Variants in RFX8 observed in about 807,000 individuals in gnomAD.
RFX8 encodes regulatory factor X8, also known as DNA-binding protein RFX8.
Under a neutral mutation model 54.6 loss-of-function variants are expected in RFX8, and 46 were observed. That is an observed-to-expected ratio of 0.84 (90% CI 0.67 to 1.08). RFX8 has a LOEUF of 1.08. Ranked by LOEUF, RFX8 falls within the 50% of genes least tolerant of loss-of-function variation. The pLI is 0.00. For missense variants in RFX8, 536 were observed against 562.3 expected (o/e 0.95, Z 0.47); for synonymous variants, 192 against 209.5 (o/e 0.92, Z 0.72).
chr2:101,460,452 G>A (rs1243727504), intron 2 of RFX8, among the ~76,000 whole-genome samples: 1 of 152,120 alleles, frequency 6.6e-6, no homozygotes, highest in East Asian at 1.9e-4. Context: ...TTTGATTAGT[G>A]AAATGCTATC....
intron 2 of RFX8, among the ~76,000 whole-genome samples, chr2:101,440,123 T>C (rs1209465967): frequency 1.7e-4 from 25 of 151,164 alleles, no homozygotes; most frequent in Middle Eastern, 6.8e-3. Flanking sequence ...AAAAACTCAT[T>C]GAGAGATAAT....
At chr2:101,455,400 T>C (rs921701261) in intron 2 of RFX8, among the ~76,000 whole-genome samples, 1 of 152,182 alleles carries the variant, frequency 6.6e-6, no homozygotes, top group Admixed American at 6.5e-5. Flanking sequence ...GTATAAGGTG[T>C]AAGGAAGGGA....
At position 101,474,918 on chromosome 2, in the gene RFX8, G is replaced by A. The variant is rs1420255411; in HGVS notation, c.-335C>T. On this transcript the variant is annotated 5_prime_UTR_variant, in exon 1 of 12. Coordinates refer to ENST00000428343, the MANE Select transcript of RFX8 (RefSeq NM_001145664.2). Reference sequence around the variant, plus strand: ...AAAATCTCGGAGCTCTCTGGCAGGCGGGCGCATCTGGACTTCTAGGAGGCT... The same window carrying A: ...AAAATCTCGGAGCTCTCTGGCAGGCAGGCGCATCTGGACTTCTAGGAGGCT... Among the ~76,000 whole-genome samples the A allele has an allele frequency of 1.3e-5, 2 of 152,132 alleles. No homozygotes were observed. The highest frequency in any genetic ancestry group is 1.9e-4 in the East Asian group (1 of 5,182).
chr2:101,410,491 C>A, intron 9 of RFX8, 128 bp downstream of exon 9: 2 of 625,194 alleles, frequency 3.2e-6, no homozygotes, highest in Non-Finnish European at 5.8e-6. Flanking sequence ...TGCCCTCACA[C>A]CCAGGCCAGC....
At chr2:101,470,052 G>A (rs1218148808) in intron 1 of RFX8, among the ~76,000 whole-genome samples, 2 of 152,100 alleles carry the variant, frequency 1.3e-5, no homozygotes, top group Non-Finnish European at 2.9e-5. Context: ...ACAAGCAGAA[G>A]GTTTGAAAGT....
At chr2:101,410,576 A>G (rs1292148819) in intron 9 of RFX8, 43 bp downstream of exon 9, 1 of 1,040,982 alleles carries the variant, frequency 9.6e-7, no homozygotes. Context: ...TTTATCTAGA[A>G]TGGTCAACAC....
intron 2 of RFX8, among the ~76,000 whole-genome samples, chr2:101,455,476 C>A (rs1439557054): frequency 6.6e-6 from 1 of 152,192 alleles, no homozygotes. Context: ...ATAGGGAATG[C>A]TTTCCCCATT....
intron 2 of RFX8, among the ~76,000 whole-genome samples, chr2:101,427,044 G>A (rs984037709): frequency 2.6e-5 from 4 of 152,086 alleles, no homozygotes; most frequent in African/African-American, 7.2e-5. Flanking sequence ...TGCACGCTGG[G>A]TTCCACACAC....
intron 2 of RFX8, among the ~76,000 whole-genome samples, chr2:101,456,806 C>T (rs1232933450): frequency 6.6e-6 from 1 of 152,052 alleles, no homozygotes; most frequent in African/African-American, 2.4e-5. Context: ...CCTTTTTGTA[C>T]CTCTGGTAGA....
At chr2:101,401,756 A>G (rs1429314732) in intron 11 of RFX8, among the ~76,000 whole-genome samples, 2 of 152,100 alleles carry the variant, frequency 1.3e-5, no homozygotes, top group African/African-American at 4.8e-5. Flanking sequence ...AGGGCATAAA[A>G]CAACCTCCTG....
intron 7 of RFX8, among the ~76,000 whole-genome samples, chr2:101,413,515 C>A (rs887294810): frequency 6.6e-6 from 1 of 152,158 alleles, no homozygotes; most frequent in Non-Finnish European, 1.5e-5. Context: ...GAGGTGATAT[C>A]CTCAGCTGTC....
At chr2:101,453,715 A>G (rs191278187) in intron 2 of RFX8, among the ~76,000 whole-genome samples, 1 of 152,248 alleles carries the variant, frequency 6.6e-6, no homozygotes, top group East Asian at 1.9e-4. Flanking sequence ...ACAGTTTTGC[A>G]TTCTACTTTC....
chr2:101,449,037 G>A (rs1688544164), intron 2 of RFX8, among the ~76,000 whole-genome samples: 1 of 152,188 alleles, frequency 6.6e-6, no homozygotes, highest in Admixed American at 6.5e-5. Flanking sequence ...AGGTATGGAT[G>A]GTATTCAGGA....
In RFX8 at chr2:101,414,877, T is replaced by A; in HGVS notation, c.538A>T (p.Thr180Ser). 1.3e-6 allele frequency: 2 copies of A among 1,550,720 alleles called. No homozygotes were observed. The highest frequency in any genetic ancestry group is 1.7e-6 in the Non-Finnish European group (2 of 1,146,568). The change falls in exon 7 of 12, where the codon ACG (threonine) becomes TCG (serine). Residue 180 changes from threonine (T) to serine (S), a missense_variant. Thr to Ser is a moderately conservative substitution (Grantham distance 58). Transcript: ENST00000428343. Reference protein sequence around the residue: ...TLFVKRLRRKTYLSNMAKTMR... With the variant: ...TLFVKRLRRKSYLSNMAKTMR... ...ACCTTAGCCATGTTGGAAAGGTACG[T>A]CTTTCTTCTTAGTCTTTTGACAAAT...
intron 2 of RFX8, among the ~76,000 whole-genome samples, chr2:101,430,457 C>G (rs1469969246): frequency 6.6e-6 from 1 of 152,144 alleles, no homozygotes; most frequent in Non-Finnish European, 1.5e-5. Context: ...GACTGGTGTC[C>G]TTATAAGAAG....
chr2:101,465,385 C>G (rs2148993018), intron 2 of RFX8, among the ~76,000 whole-genome samples: 1 of 152,242 alleles, frequency 6.6e-6, no homozygotes, highest in Non-Finnish European at 1.5e-5. Context: ...TGGTGCACGC[C>G]TGTAGTCCCA....
intron 11 of RFX8, among the ~76,000 whole-genome samples, chr2:101,399,856 T>G (rs1465011502): frequency 2.0e-5 from 3 of 152,156 alleles, no homozygotes; most frequent in Non-Finnish European, 2.9e-5. Flanking sequence ...TTTTTAGTAA[T>G]TAGTCCCAAG....
chr2:101,465,442 G>A (rs1483011500), intron 2 of RFX8, among the ~76,000 whole-genome samples: 1 of 152,148 alleles, frequency 6.6e-6, no homozygotes, highest in Non-Finnish European at 1.5e-5. Flanking sequence ...CTCGGGAGGC[G>A]GAGGTTGCAG....
chr2:101,433,697 A>C lies in RFX8; in HGVS notation c.73-11225T>G, dbSNP rs1687617808. Among the ~76,000 whole-genome samples the C allele has an allele frequency of 2.0e-5, 3 of 152,196 alleles. No individual in the cohort carries two copies. In the South Asian group the frequency reaches 6.2e-4, roughly 31 times the overall value. Reference sequence around the variant, plus strand: ...ATTGCCCTCGCAAATCACTCTAACCAGTGGTGAAACAACTTGAAGCAATTA... The same window carrying C: ...ATTGCCCTCGCAAATCACTCTAACCCGTGGTGAAACAACTTGAAGCAATTA... On this transcript the variant is annotated intron_variant, in intron 2 of 11. Coordinates refer to ENST00000428343, the MANE Select transcript of RFX8 (RefSeq NM_001145664.2).
Sources: allele counts gnomAD v4.1 joint callset (sites outside exome capture counted in the v4.1 genomes callset), GRCh38; gene constraint gnomAD v4.1.1; transcripts MANE v1.5; gene names NCBI Gene and HGNC (gene_info 2026-07-23, HGNC 2026-07-21).